Variants in PRR14L observed in about 807,000 individuals in gnomAD.
PRR14L encodes the protein proline rich 14 like, also known as protein PRR14L.
Under a neutral mutation model 155.0 loss-of-function variants are expected in PRR14L, and 80 were observed. The ratio of observed to expected loss-of-function variants is 0.52; its 90% CI spans 0.43 to 0.62. The LOEUF is 0.62. PRR14L is among the 20% of genes least tolerant of loss of function. The pLI is 0.00. For synonymous variants in PRR14L, 883 were observed against 916.0 expected (o/e 0.96, Z 0.65); for missense variants, 2,469 against 2,548.0 (o/e 0.97, Z 0.67).
At chr22:31,694,802 T>C (rs577511980) in intron 7 of PRR14L, among the ~76,000 whole-genome samples, 1 of 147,680 alleles carries the variant, frequency 6.8e-6, no homozygotes, top group Admixed American at 6.8e-5. Flanking sequence ...GAATACAAAA[T>C]TAGGCCAGGT....
chr22:31,730,274 C>T (rs1403664491), intron 2 of PRR14L, among the ~76,000 whole-genome samples: 2 of 151,996 alleles, frequency 1.3e-5, no homozygotes, highest in East Asian at 1.9e-4. Flanking sequence ...CCTGTCTCTA[C>T]TAAAAATACA....
Position 31,714,959 on chromosome 22 carries a change from T to C in PRR14L, c.2880A>G (p.Glu960=), listed in dbSNP as rs759936588. The C allele has an allele frequency of 1.3e-6, 2 of 1,551,948 alleles. No homozygotes were observed. Among genetic ancestry groups the C allele is most frequent in the Middle Eastern group, 1.7e-4 (1 of 6,016 alleles). The change falls in exon 4 of 9, where the codon GAA becomes GAG. Residue 960 remains glutamate, a synonymous_variant. Transcript: ENST00000327423. ...FSSFKNVKSV[E]TLDQKADEVL... is the part of the protein sequence containing the mutation. ...CTTCATCTGCCTTCTGATCGAGTGT[T>C]TCAACTGATTTTACATTTTTAAAAC...
chr22:31,717,371 A>C lies in PRR14L; in HGVS notation c.548-80T>G, dbSNP rs542212772. ...CTACCTTCATGCATTTTATTATGCTATGCTACCAAGGGCAACAGAAGACCC... is the reference window on the plus strand; with the variant it reads ...CTACCTTCATGCATTTTATTATGCTCTGCTACCAAGGGCAACAGAAGACCC... On this transcript the variant is annotated intron_variant, in intron 3 of 8. Coordinates refer to ENST00000327423, the MANE Select transcript of PRR14L (RefSeq NM_173566.3). 6.3e-5 allele frequency: 73 copies of C among 1,157,690 alleles called. 1 individual carries two copies. The Admixed American group carries it at 1.2e-3, about 19-fold the overall frequency. The allele number at this position is 1,157,690 out of a possible 1,614,324, so 71.7% of individuals were successfully genotyped here. A position where few individuals can be genotyped will look rare whatever the true frequency, so the allele number is the denominator to read the frequency against.
intron 2 of PRR14L, among the ~76,000 whole-genome samples, chr22:31,726,665 T>C (rs770811672): frequency 6.6e-6 from 1 of 152,200 alleles, no homozygotes; most frequent in East Asian, 1.9e-4. Flanking sequence ...GGTGTGAGAA[T>C]AGATGCTATT....
intron 7 of PRR14L, among the ~76,000 whole-genome samples, chr22:31,699,822 C>T (rs1325697212): frequency 6.6e-6 from 1 of 150,972 alleles, no homozygotes; most frequent in Non-Finnish European, 1.5e-5. Flanking sequence ...AAATTATATG[C>T]CCAGGCTTTT....
At chr22:31,728,933 T>A (rs2074733158) in intron 2 of PRR14L, among the ~76,000 whole-genome samples, 1 of 152,216 alleles carries the variant, frequency 6.6e-6, no homozygotes, top group East Asian at 1.9e-4. Flanking sequence ...GAGTTCTCAA[T>A]GCTAAATCAT....
intron 2 of PRR14L, among the ~76,000 whole-genome samples, chr22:31,726,282 C>A (rs1436446889): frequency 6.6e-6 from 1 of 151,866 alleles, no homozygotes; most frequent in Non-Finnish European, 1.5e-5. Context: ...AGGCGCCCAC[C>A]ACTATGCCTA....
intron 2 of PRR14L, among the ~76,000 whole-genome samples, chr22:31,730,233 C>G (rs969491144): frequency 1.3e-5 from 2 of 151,952 alleles, no homozygotes; most frequent in Admixed American, 6.6e-5. Context: ...AGGTCAGGAA[C>G]TCAAGACCAG....
rs2147865654 is a variant in PRR14L, at chr22:31,717,130, T to G, written c.709A>C (p.Ile237Leu). ...TCTGAAACCTCATCACTGGTCATGATTTTGTCTACTTCTTGGAATTCACCG... is the reference window on the plus strand; with the variant it reads ...TCTGAAACCTCATCACTGGTCATGAGTTTGTCTACTTCTTGGAATTCACCG... ...GCGEFQEVDK[I>L]MTSDEVSETS... The change falls in exon 4 of 9, where the codon ATC (isoleucine) becomes CTC (leucine). Residue 237 changes from isoleucine to leucine, a missense_variant. By Grantham distance (5) the Ile-to-Leu change is conservative (BLOSUM62 2). Coordinates refer to ENST00000327423, the MANE Select transcript of PRR14L (RefSeq NM_173566.3). 6.4e-7 allele frequency: 1 copy of G among 1,552,344 alleles called. No homozygotes were observed. Among genetic ancestry groups the G allele is most frequent in the Non-Finnish European group, 8.7e-7 (1 of 1,147,124 alleles).
chr22:31,723,014 C>A (rs2074699270), intron 3 of PRR14L, among the ~76,000 whole-genome samples: 1 of 152,172 alleles, frequency 6.6e-6, no homozygotes, highest in Admixed American at 6.5e-5. Context: ...CCTGTCTCCA[C>A]AGAATCTTCT....
Position 31,716,556 on chromosome 22 carries a change from C to T in PRR14L, c.1283G>A (p.Cys428Tyr). 6.5e-7 allele frequency: 1 copy of T among 1,547,526 alleles called. No homozygotes were observed. Among genetic ancestry groups the T allele is most frequent in the Non-Finnish European group, 8.7e-7 (1 of 1,146,012 alleles). Residue 428 changes from cysteine (C) to tyrosine (Y), a missense_variant, in exon 4 of 9, where the codon TGT (cysteine) becomes TAT (tyrosine). Transcript: ENST00000327423. ...AACAACAGGCTCTTTTTCACCAGAA[C>T]AACGACCACTAATCTCCTTTTCTGG... Reference protein sequence around the residue: ...REPEKEISGRCSGEKEPVVSP... With the variant: ...REPEKEISGRYSGEKEPVVSP...
At position 31,713,694 on chromosome 22, in the gene PRR14L, A is replaced by G; in HGVS notation, c.4145T>C (p.Ile1382Thr). The change falls in exon 4 of 9, where the codon ATA (isoleucine) becomes ACA (threonine). Residue 1382 changes from isoleucine (I) to threonine (T), a missense_variant. Ile to Thr is a moderately conservative substitution (Grantham distance 89). Coordinates refer to ENST00000327423, the MANE Select transcript of PRR14L (RefSeq NM_173566.3). ...CTGCTGTTTTTCAGCATGATTAAGTATCCCCCGGCATTTAAAATGGGTCTG... is the reference window on the plus strand; with the variant it reads ...CTGCTGTTTTTCAGCATGATTAAGTGTCCCCCGGCATTTAAAATGGGTCTG... Reference protein sequence around the residue: ...ISQTHFKCRGILNHAEKQQSP... With the variant: ...ISQTHFKCRGTLNHAEKQQSP... 6.4e-7 allele frequency: 1 copy of G among 1,552,204 alleles called. No individual in the cohort carries two copies. The highest frequency in any genetic ancestry group is 8.7e-7 in the Non-Finnish European group (1 of 1,147,104).
At chr22:31,690,058 G>A (rs559313237) in intron 7 of PRR14L, among the ~76,000 whole-genome samples, 8 of 152,064 alleles carry the variant, frequency 5.3e-5, no homozygotes, top group East Asian at 3.9e-4. Context: ...CTGGGACTAC[G>A]GGTGCGTGTC....
intron 3 of PRR14L, among the ~76,000 whole-genome samples, chr22:31,723,313 G>A (rs1290784188): frequency 6.6e-6 from 1 of 152,176 alleles, no homozygotes; most frequent in East Asian, 1.9e-4. Flanking sequence ...TGCAGATACT[G>A]TTCAGGAGAG....
chr22:31,709,013 G>C (rs764705105), intron 4 of PRR14L, among the ~76,000 whole-genome samples: 13 of 151,502 alleles, frequency 8.6e-5, no homozygotes, highest in Non-Finnish European at 1.5e-4. Context: ...AGTAGAGATG[G>C]GGTTTCTCCA....
At chr22:31,731,121 C>T (rs1375089412) in intron 2 of PRR14L, among the ~76,000 whole-genome samples, 1 of 152,140 alleles carries the variant, frequency 6.6e-6, no homozygotes, top group Non-Finnish European at 1.5e-5. Flanking sequence ...CCTGGAACAG[C>T]CATTTCTCCA....
chr22:31,742,054 A>G (rs2074816067), intron 1 of PRR14L, among the ~76,000 whole-genome samples: 1 of 152,230 alleles, frequency 6.6e-6, no homozygotes, highest in African/African-American at 2.4e-5. Context: ...GATGCCAAAA[A>G]TAAGTAGGAA....
At chr22:31,739,043 A>C in intron 1 of PRR14L, 132 bp from the exon 2 acceptor site, 1 of 527,130 alleles carries the variant, frequency 1.9e-6, no homozygotes, top group Non-Finnish European at 3.4e-6. Flanking sequence ...GGCACCAAAA[A>C]TTTCTCCTTA....
chr22:31,729,617 T>C (rs1284335273), intron 2 of PRR14L, among the ~76,000 whole-genome samples: 1 of 152,194 alleles, frequency 6.6e-6, no homozygotes, highest in East Asian at 1.9e-4. Context: ...TGTTTCATGA[T>C]TGGAATATTT....
Sources: gnomAD v4.1 joint callset for allele counts (sites outside exome capture counted in the v4.1 genomes callset) on GRCh38, gnomAD v4.1.1 for gene constraint, MANE v1.5 for transcripts, NCBI Gene and HGNC (gene_info 2026-07-23, HGNC 2026-07-21) for gene names.